DDAH1: variants seen among roughly 807,000 people sequenced by gnomAD.
The protein encoded by DDAH1 is dimethylarginine dimethylaminohydrolase 1.
Under a neutral mutation model 28.8 loss-of-function variants are expected in DDAH1, and 19 were observed. The ratio of observed to expected loss-of-function variants is 0.66; its 90% CI spans 0.46 to 0.97. DDAH1 has a LOEUF of 0.97. DDAH1 is among the 50% of genes least tolerant of loss of function. The pLI, the probability that DDAH1 is intolerant of heterozygous loss-of-function variation, is 0.00. For missense variants in DDAH1, 326 were observed against 375.9 expected (o/e 0.87, Z 1.10); for synonymous variants, 153 against 154.4 (o/e 0.99, Z 0.07).
intron 1 of DDAH1, among the ~76,000 whole-genome samples, chr1:85,450,244 T>G (rs1288105397): frequency 5.3e-5 from 8 of 152,246 alleles, no homozygotes; most frequent in African/African-American, 1.9e-4. Context: ...TTACTTTATG[T>G]TTTGCATGTA....
At chr1:85,551,415 T>C (rs1658786865) in intron 1 of DDAH1, among the ~76,000 whole-genome samples, 2 of 152,212 alleles carry the variant, frequency 1.3e-5, no homozygotes, top group Admixed American at 1.3e-4. Context: ...GAAACCCAGC[T>C]TCTTCTGAGC....
chr1:85,536,948 CAT>C (rs202209648), intron 1 of DDAH1, among the ~76,000 whole-genome samples: 1,289 of 91,738 alleles, frequency 0.014, 23 homozygotes, highest in African/African-American at 0.046. Context: ...GAAAATGTGG[CAT>C]ATATATATAT....
At chr1:85,480,061 CCTT>C (rs1655957038) in intron 2 of DDAH1, among the ~76,000 whole-genome samples, 2 of 152,204 alleles carry the variant, frequency 1.3e-5, no homozygotes, top group Admixed American at 1.3e-4. Context: ...CAAAACAGCT[CCTT>C]CTTCAGAAGA....
intron 1 of DDAH1, chr1:85,399,599 C>T (rs989709602): frequency 6.6e-6 from 1 of 152,226 alleles, no homozygotes. Flanking sequence ...AGTTCCACAT[C>T]ACCAAACTGA....
intron 4 of DDAH1, among the ~76,000 whole-genome samples, chr1:85,331,136 C>T (rs149033955): frequency 2.3e-3 from 350 of 152,322 alleles, no homozygotes; most frequent in Non-Finnish European, 3.6e-3. Context: ...ATCTGCATGG[C>T]AAGTTGCATT....
Position 85,511,789 on chromosome 1 carries a change from A to G in DDAH1, c.-122-15508T>C, listed in dbSNP as rs534211497. ...TCCTGGACACATACACTCTCCCAAG[A>G]CTAAACCAGGAAGAAGTTGAATCTC... On this transcript the variant is annotated intron_variant, in intron 1 of 6. Transcript: ENST00000426972. 1.3e-4 allele frequency among the ~76,000 whole-genome samples: 20 copies of G among 152,360 alleles called. 1 individual carries two copies. The highest frequency in any genetic ancestry group is 1.5e-5 in the Non-Finnish European group (1 of 68,036).
At chr1:85,332,320 AC>A (rs1647826948) in intron 4 of DDAH1, among the ~76,000 whole-genome samples, 3 of 152,194 alleles carry the variant, frequency 2.0e-5, no homozygotes, top group Admixed American at 6.5e-5. Flanking sequence ...CACACATTGT[AC>A]TGCACACTGG....
chr1:85,445,498 C>T (rs527857603), intron 1 of DDAH1, among the ~76,000 whole-genome samples: 68 of 152,274 alleles, frequency 4.5e-4, no homozygotes, highest in African/African-American at 7.9e-4. Flanking sequence ...TTAGGACAGA[C>T]GGTTAACGTA....
At chr1:85,412,689 G>A (rs1652709749) in intron 1 of DDAH1, among the ~76,000 whole-genome samples, 1 of 152,184 alleles carries the variant, frequency 6.6e-6, no homozygotes, top group South Asian at 2.1e-4. Context: ...CTAAAGAACA[G>A]TGCAAATGGC....
intron 1 of DDAH1, among the ~76,000 whole-genome samples, chr1:85,451,490 G>T (rs150725773): frequency 1.8e-3 from 271 of 152,294 alleles, no homozygotes; most frequent in Middle Eastern, 6.8e-3. Context: ...TACAGATGAT[G>T]AAAGTGATGC....
chr1:85,551,935 C>T lies in DDAH1; in HGVS notation c.-123+26049G>A, dbSNP rs141185170. Among the ~76,000 whole-genome samples the T allele has an allele frequency of 6.6e-5, 10 of 152,266 alleles. No individual in the cohort carries two copies. The East Asian group carries it at 1.9e-3, about 29-fold the overall frequency. On this transcript the variant is annotated intron_variant, in intron 1 of 6. Transcript: ENST00000426972. Reference sequence around the variant, plus strand: ...AGAAACAGCTGAGGGTCTGGGCCCTCTTAGCTAGGGCAAGAGTTTGAAGTG... The same window carrying T: ...AGAAACAGCTGAGGGTCTGGGCCCTTTTAGCTAGGGCAAGAGTTTGAAGTG...
At chr1:85,525,567 T>TCACACA (rs3058870) in intron 1 of DDAH1, among the ~76,000 whole-genome samples, 4,351 of 148,746 alleles carry the variant, frequency 0.029, 217 homozygotes, top group African/African-American at 0.098. Flanking sequence ...AGAATGATAT[T>TCACACA]CACACACACA....
At chr1:85,573,352 G>A (rs921041513) in intron 1 of DDAH1, among the ~76,000 whole-genome samples, 9 of 152,190 alleles carry the variant, frequency 5.9e-5, no homozygotes, top group African/African-American at 2.2e-4. Context: ...AATAAAACAC[G>A]AAAGGCAGAG....
chr1:85,542,176 A>C (rs935708597), intron 1 of DDAH1, among the ~76,000 whole-genome samples: 1 of 152,218 alleles, frequency 6.6e-6, no homozygotes, highest in Non-Finnish European at 1.5e-5. Flanking sequence ...TTCTTACTTC[A>C]GGGCCTGAAC....
intron 1 of DDAH1, among the ~76,000 whole-genome samples, chr1:85,568,509 T>G (rs1464530487): frequency 6.6e-6 from 1 of 152,146 alleles, no homozygotes; most frequent in East Asian, 1.9e-4. Context: ...TCGCATCATT[T>G]CAAGTAAGGC....
chr1:85,447,069 A>T (rs2100662959), intron 1 of DDAH1, among the ~76,000 whole-genome samples: 1 of 152,304 alleles, frequency 6.6e-6, no homozygotes, highest in South Asian at 2.1e-4. Context: ...TTCTTTCATG[A>T]CAGGTCAGTG....
intron 1 of DDAH1, among the ~76,000 whole-genome samples, chr1:85,445,993 T>C (rs1405901346): frequency 6.6e-6 from 1 of 152,144 alleles, no homozygotes; most frequent in African/African-American, 2.4e-5. Context: ...ATTCAAAATA[T>C]TACAGTCCAG....
chr1:85,405,633 T>TAA (rs11394406), intron 1 of DDAH1, among the ~76,000 whole-genome samples: 74 of 148,858 alleles, frequency 5.0e-4, no homozygotes, highest in African/African-American at 1.3e-3. Context: ...AAAAGTGCCC[T>TAA]AAAAAAAAAA....
chr1:85,548,830 A>C (rs936975227), intron 1 of DDAH1, among the ~76,000 whole-genome samples: 1 of 152,250 alleles, frequency 6.6e-6, no homozygotes, highest in Non-Finnish European at 1.5e-5. Flanking sequence ...TCATAATTAC[A>C]TTCACATAGT....
Sources: gnomAD v4.1 joint callset for allele counts (sites outside exome capture counted in the v4.1 genomes callset) on GRCh38, gnomAD v4.1.1 for gene constraint, MANE v1.5 for transcripts, NCBI Gene and HGNC (gene_info 2026-07-23, HGNC 2026-07-21) for gene names.